The following MAGEC3 variants were observed in gnomAD, a reference collection of about 807,000 sequenced individuals.
MAGEC3 encodes MAGE family member C3, also known as melanoma-associated antigen C3.
A neutral mutation model predicts 35.3 loss-of-function variants in MAGEC3; 34 were observed. The observed-to-expected ratio is 0.96, with a 90% CI of 0.73 to 1.28. The LOEUF is 1.28. Among genes scored for constraint, MAGEC3 ranks in the 50% most tolerant of loss-of-function variants. The pLI is 0.00. For missense variants in MAGEC3, 561 were observed against 483.6 expected (o/e 1.16, Z -1.50); for synonymous variants, 202 against 185.6 (o/e 1.09, Z -0.72).
chrX:141,894,110 T>C (rs994183052), intron 4 of MAGEC3, among the ~76,000 whole-genome samples: 2 of 111,864 alleles, frequency 1.8e-5, no homozygotes, highest in Admixed American at 1.9e-4. Flanking sequence ...TAAAACTATA[T>C]GAACTGCAAA....
intron 4 of MAGEC3, among the ~76,000 whole-genome samples, chrX:141,891,559 G>T (rs938370630): frequency 9.2e-6 from 1 of 108,681 alleles, no homozygotes; most frequent in Admixed American, 1.0e-4. Flanking sequence ...CCTCTGCAAA[G>T]TTCCTCCAAA....
chrX:141,869,031 G>A (rs373634692), intron 2 of MAGEC3, among the ~76,000 whole-genome samples: 218 of 108,922 alleles, frequency 2.0e-3, no homozygotes, highest in African/African-American at 6.4e-3. Flanking sequence ...ACAGGTGCCC[G>A]CCACCCCACC....
chrX:141,880,068 G>A (rs949271573), intron 3 of MAGEC3, among the ~76,000 whole-genome samples: 5 of 111,485 alleles, frequency 4.5e-5, no homozygotes, highest in African/African-American at 1.6e-4. Flanking sequence ...TCATTGCTGG[G>A]TGAGAGGTGC....
intron 2 of MAGEC3, among the ~76,000 whole-genome samples, chrX:141,878,262 G>A (rs761002678): frequency 3.9e-4 from 43 of 109,358 alleles, no homozygotes; most frequent in African/African-American, 6.2e-4. Context: ...TTATCATACC[G>A]ACAGCACATA....
At chrX:141,872,817 C>G (rs1181406627) in intron 2 of MAGEC3, among the ~76,000 whole-genome samples, 1 of 111,952 alleles carries the variant, frequency 8.9e-6, no homozygotes, top group Non-Finnish European at 1.9e-5. Context: ...TAGCCCCGGC[C>G]TGAGCCTCAC....
In MAGEC3 at chrX:141,881,638, G is replaced by T; in HGVS notation, c.751G>T (p.Val251Phe). The change falls in exon 4 of 8, where the codon GTC becomes TTC. Residue 251 changes from valine (V) to phenylalanine (F), a missense_variant. Physicochemically the swap from Val to Phe is conservative, Grantham distance 50. Transcript: ENST00000298296. ...LTEVDPDHFY[V>F]FVNTLDLTCE... The stretch of plus-strand genomic sequence containing the variant: ...AGAAGTGGACCCCGACCATTTCTAT[G>T]TCTTTGTAAACACATTAGACCTCAC... 8.3e-7 allele frequency: 1 copy of T among 1,211,691 alleles called. No homozygotes were observed.
rs898170923 is a variant in MAGEC3 at position 141,838,919 on chromosome X, C to T, written c.123+481C>T. On this transcript the variant is annotated intron_variant, in intron 1 of 7. Transcript: ENST00000298296. ...TGCTCAGTCTGTTGAGGGCAGGGCTCTAAAATGGTACTTTGTTGTAGCTGC... is the reference window on the plus strand; with the variant it reads ...TGCTCAGTCTGTTGAGGGCAGGGCTTTAAAATGGTACTTTGTTGTAGCTGC... 17 of 695,313 alleles carry T rather than the reference C, an allele frequency of 2.4e-5. No homozygotes were observed. The African/African-American group carries it at 3.8e-4, about 16-fold the overall frequency. The allele number at this position is 695,313 out of a possible 1,213,427, so 57.3% of individuals were successfully genotyped here.
Position 141,897,305 on chromosome X carries a change from T to G in MAGEC3, c.1547T>G (p.Met516Arg). 8.3e-7 allele frequency: 1 copy of G among 1,211,873 alleles called. No individual in the cohort carries two copies. Among genetic ancestry groups the G allele is most frequent in the Non-Finnish European group, 1.1e-6 (1 of 895,515 alleles). The part of the protein sequence containing the change: ...ELIFGIALTD[M>R]DPDNHSYFFE... ...ATTTTTGGCATTGCCCTGACTGATA[T>G]GGACCCCGACAACCACTCCTATTTC... Residue 516 changes from methionine (M) to arginine (R), a missense_variant, in exon 7 of 8, where the codon ATG (methionine) becomes AGG (arginine). Met to Arg is a moderately conservative substitution (Grantham distance 91). Transcript: ENST00000298296.
chrX:141,849,008 C>G (rs970685368), intron 1 of MAGEC3, among the ~76,000 whole-genome samples: 3 of 111,221 alleles, frequency 2.7e-5, no homozygotes, highest in African/African-American at 9.8e-5. Flanking sequence ...CCTCACATTA[C>G]CCAGTTACAA....
chrX:141,878,113 A>T (rs1374090934), intron 2 of MAGEC3, among the ~76,000 whole-genome samples: 1 of 112,074 alleles, frequency 8.9e-6, no homozygotes, highest in African/African-American at 3.2e-5. Context: ...TTTTGAAAAC[A>T]TTGACAGTTT....
intron 1 of MAGEC3, chrX:141,839,716 A>G: frequency 2.7e-6 from 2 of 745,530 alleles, no homozygotes; most frequent in South Asian, 1.4e-4. Context: ...TAATATCTTT[A>G]TATCCATTTT....
chrX:141,838,342 G>A lies in MAGEC3; in HGVS notation c.27G>A (p.Leu9=). The change falls in exon 1 of 8, where the codon TTG becomes TTA. Residue 9 remains leucine, a synonymous_variant. Transcript: ENST00000298296. ...TGCTGCTGCCCTGCCACTGGGTGTTGGATGCCACCTTCAGTGATGGCAGTC... is the reference window on the plus strand; with the variant it reads ...TGCTGCTGCCCTGCCACTGGGTGTTAGATGCCACCTTCAGTGATGGCAGTC... MLLPCHWV[L]DATFSDGSLG... The A allele has an allele frequency of 8.3e-7, 1 of 1,210,988 alleles. No homozygotes were observed. The highest frequency in any genetic ancestry group is 1.1e-6 in the Non-Finnish European group (1 of 894,815).
chrX:141,865,274 C>T (rs1191013264), intron 1 of MAGEC3, among the ~76,000 whole-genome samples, 197 bp from the exon 2 acceptor site: 1 of 110,905 alleles, frequency 9.0e-6, no homozygotes, highest in African/African-American at 3.3e-5. Context: ...ATTTTTGAGG[C>T]ATCTTTTCCT....
intron 4 of MAGEC3, among the ~76,000 whole-genome samples, chrX:141,887,370 A>G (rs2018010402): frequency 8.9e-6 from 1 of 112,366 alleles, no homozygotes. Flanking sequence ...AGTGGCAAAC[A>G]CACTGGACTT....
chrX:141,845,150 G>A (rs1411285727), intron 1 of MAGEC3, among the ~76,000 whole-genome samples: 1 of 110,807 alleles, frequency 9.0e-6, no homozygotes, highest in Non-Finnish European at 1.9e-5. Context: ...AATTTCCCAA[G>A]TTTTGCAGTT....
chrX:141,892,689 C>G (rs2018051755), intron 4 of MAGEC3, among the ~76,000 whole-genome samples: 1 of 111,006 alleles, frequency 9.0e-6, no homozygotes, highest in Non-Finnish European at 1.9e-5. Context: ...GGGGGCAAAC[C>G]CTAGGTGACT....
chrX:141,884,058 C>A (rs1166139317), intron 4 of MAGEC3, among the ~76,000 whole-genome samples: 1 of 112,957 alleles, frequency 8.9e-6, no homozygotes, highest in Non-Finnish European at 1.9e-5. Flanking sequence ...AGAGAATTCT[C>A]AGTCTAAAGA....
intron 2 of MAGEC3, 27 bp from the exon 3 acceptor site, chrX:141,879,148 C>T (rs769574465): frequency 1.5e-4 from 175 of 1,147,627 alleles, no homozygotes; most frequent in Non-Finnish European, 1.9e-4. Context: ...GGTAGTGCCC[C>T]TCCCCTGTCC....
At chrX:141,840,597 T>G (rs1339072049) in intron 1 of MAGEC3, among the ~76,000 whole-genome samples, 2 of 111,672 alleles carry the variant, frequency 1.8e-5, no homozygotes, top group Non-Finnish European at 3.8e-5. Context: ...AAGCAATATT[T>G]TCTTGTGTCT....
Sources: gnomAD v4.1 joint callset for allele counts (sites outside exome capture counted in the v4.1 genomes callset) on GRCh38, gnomAD v4.1.1 for gene constraint, MANE v1.5 for transcripts, NCBI Gene and HGNC (gene_info 2026-07-23, HGNC 2026-07-21) for gene names.